PATJ: variants seen among roughly 807,000 people sequenced by gnomAD.
The protein encoded by PATJ is inaD-like protein.
Under a neutral mutation model 224.9 loss-of-function variants are expected in PATJ, and 190 were observed. That is an observed-to-expected ratio of 0.84 (90% CI 0.75 to 0.95). The LOEUF (loss-of-function observed/expected upper bound fraction) is 0.95. Among genes scored for constraint, PATJ ranks in the 40% least tolerant of loss-of-function variants. The pLI is 0.00. For synonymous variants in PATJ, 769 were observed against 820.3 expected, an observed-to-expected ratio of 0.94 and a Z score of 1.07; for missense variants, 2,121 against 2,270.3, an observed-to-expected ratio of 0.93 and a Z score of 1.34.
At chr1:61,884,194 T>G in intron 21 of PATJ, 43 bp from the exon 22 acceptor site, 1 of 1,496,534 alleles carries the variant, frequency 6.7e-7, no homozygotes, top group Non-Finnish European at 9.0e-7. Context: ...TAAAGGAGAA[T>G]GAGTGCCTCT....
intron 14 of PATJ, among the ~76,000 whole-genome samples, chr1:61,821,207 G>A (rs971072706): frequency 5.9e-5 from 9 of 151,974 alleles, no homozygotes; most frequent in African/African-American, 2.2e-4. Flanking sequence ...ACCATGCCCG[G>A]CTAATTTTTT....
At chr1:62,008,411 C>T (rs113583961) in intron 28 of PATJ, among the ~76,000 whole-genome samples, 67 of 152,268 alleles carry the variant, frequency 4.4e-4, no homozygotes, top group Middle Eastern at 3.4e-3. Flanking sequence ...AAATCACTTC[C>T]CATAGTCATG....
At chr1:61,836,071 T>A (rs1014718102) in intron 17 of PATJ, among the ~76,000 whole-genome samples, 2 of 152,092 alleles carry the variant, frequency 1.3e-5, no homozygotes, top group African/African-American at 2.4e-5. Context: ...CTCAAAAAAA[T>A]TCAGTAAAGG....
intron 20 of PATJ, among the ~76,000 whole-genome samples, chr1:61,866,029 T>C (rs190658980): frequency 1.1e-3 from 163 of 152,336 alleles, no homozygotes; most frequent in Non-Finnish European, 2.1e-3. Context: ...ACAGATGTTT[T>C]TGGAATATGT....
In PATJ at chr1:62,161,331, C is replaced by CTT. The variant is rs557464862; in HGVS notation, c.*301_*302dup. 1,651 of 92,920 alleles carry CTT rather than the reference C, an allele frequency of 0.018. 42 individuals carry two copies. The highest frequency in any genetic ancestry group is 0.022 in the Non-Finnish European group (1,097 of 50,320). 5.8% of individuals were successfully genotyped at this position (92,920 alleles called of 1,614,324 possible). On this transcript the variant is annotated 3_prime_UTR_variant, in exon 44 of 44. Transcript: ENST00000642238. The stretch of plus-strand genomic sequence containing the variant: ...GCATTTAATTTCAGTGTTCCGATTT[C>CTT]TTTTTTTTTTTTTTTTTTTTTTTTT...
At chr1:61,836,391 T>C (rs1660182166) in intron 17 of PATJ, among the ~76,000 whole-genome samples, 2 of 152,270 alleles carry the variant, frequency 1.3e-5, no homozygotes, top group South Asian at 4.1e-4. Context: ...ATATTCTTTT[T>C]GTCTTTGTGC....
At chr1:62,122,566 T>C (rs1264645080) in intron 38 of PATJ, among the ~76,000 whole-genome samples, 2 of 152,106 alleles carry the variant, frequency 1.3e-5, no homozygotes, top group Non-Finnish European at 2.9e-5. Flanking sequence ...GGCTCACGCC[T>C]GTAATCCCAA....
chr1:61,822,964 T>G lies in PATJ; in HGVS notation c.1703T>G (p.Leu568Arg), dbSNP rs1013313471. 6.2e-7 allele frequency: 1 copy of G among 1,614,174 alleles called. No individual in the cohort carries two copies. Among genetic ancestry groups the G allele is most frequent in the Non-Finnish European group, 8.5e-7 (1 of 1,180,010 alleles). ...CTACAGCTGCTGCCTATTCACACTC[T>G]GAGGCTTGGTGTGGAAGTGGATTCC... is the stretch of plus-strand genomic sequence containing the variant. ...KYSKLLPIHTLRLGVEVDSFD... is the reference protein window; with the variant it reads ...KYSKLLPIHTRRLGVEVDSFD... Residue 568 changes from leucine (L) to arginine (R), a missense_variant, in exon 15 of 44, where the codon CTG (leucine) becomes CGG (arginine). Leu to Arg is a moderately radical substitution (Grantham distance 102). Transcript: ENST00000642238.
Position 62,035,276 on chromosome 1 carries a change from T to A in PATJ, c.3960-2701T>A, listed in dbSNP as rs541098449. ...AAACAGATGCGCTTGATACGCTATG[T>A]CACTTTATAGTTGTAGTTTTTCTCC... is the stretch of plus-strand genomic sequence containing the variant. On this transcript the variant is annotated intron_variant, in intron 29 of 43. Transcript: ENST00000642238. 3.3e-5 allele frequency among the ~76,000 whole-genome samples: 5 copies of A among 152,344 alleles called. No individual in the cohort carries two copies. In the South Asian group the frequency reaches 1.0e-3, roughly 32 times the overall value.
At chr1:62,034,726 TTTTC>T (rs1650033972) in intron 29 of PATJ, among the ~76,000 whole-genome samples, 5 of 152,170 alleles carry the variant, frequency 3.3e-5, no homozygotes, top group Admixed American at 1.3e-4. Context: ...AGCTTTCTTC[TTTTC>T]AGTGAGAGTA....
At chr1:62,019,754 GT>G (rs1646971823) in intron 29 of PATJ, among the ~76,000 whole-genome samples, 1 of 151,310 alleles carries the variant, frequency 6.6e-6, no homozygotes, top group Non-Finnish European at 1.5e-5. Context: ...ATTAGAGTTA[GT>G]TGATTAAAAA....
intron 29 of PATJ, among the ~76,000 whole-genome samples, chr1:62,035,060 CAATGGGAGAAATTG>C (rs1253338316): frequency 6.6e-6 from 1 of 152,062 alleles, no homozygotes; most frequent in African/African-American, 2.4e-5. Flanking sequence ...TTGTGGTGTT[CAATGGGAGAAATTG>C]AGTGGGAAAA....
chr1:62,060,862 C>T (rs373059709), intron 31 of PATJ, among the ~76,000 whole-genome samples: 3 of 152,040 alleles, frequency 2.0e-5, no homozygotes, highest in African/African-American at 7.2e-5. Context: ...TATTTTATTT[C>T]TGTATTTTTA....
intron 27 of PATJ, among the ~76,000 whole-genome samples, chr1:61,934,144 G>T (rs904448893): frequency 6.7e-6 from 1 of 149,242 alleles, no homozygotes; most frequent in African/African-American, 2.5e-5. Flanking sequence ...TTGAGATGGA[G>T]TTTCGCTCTT....
At chr1:61,861,752 A>G (rs1664654037) in intron 19 of PATJ, 85 bp downstream of exon 19, 1 of 619,188 alleles carries the variant, frequency 1.6e-6, no homozygotes, top group Admixed American at 3.1e-5. Context: ...AAATAAGACA[A>G]AAGCTTGTCC....
chr1:61,771,622 A>C lies in PATJ; in HGVS notation c.716A>C (p.Glu239Ala). ...SSSLNDTTLP[E>A]TVCWGHVEEV... ...AGCCTAAATGATACAACTCTGCCTG[A>C]AACAGTGAGTTGCAAATTTGAAAAA... Residue 239 changes from glutamate (E) to alanine (A), a missense_variant, in exon 6 of 44, where the codon GAA becomes GCA. By Grantham distance (107) the Glu-to-Ala change is moderately radical. Coordinates refer to ENST00000642238, the MANE Select transcript of PATJ (RefSeq NM_001350145.3). 1 of 1,571,506 alleles carries C rather than the reference A, an allele frequency of 6.4e-7. No homozygotes were observed. The highest frequency in any genetic ancestry group is 8.6e-7 in the Non-Finnish European group (1 of 1,164,100).
intron 27 of PATJ, among the ~76,000 whole-genome samples, chr1:61,943,407 T>C (rs1678126729): frequency 6.6e-6 from 1 of 152,194 alleles, no homozygotes; most frequent in Non-Finnish European, 1.5e-5. Flanking sequence ...TACTGCGCTT[T>C]TCCAACAGCT....
chr1:61,900,598 CTT>C (rs112855003), intron 23 of PATJ, among the ~76,000 whole-genome samples: 1 of 82,430 alleles, frequency 1.2e-5, no homozygotes, highest in African/African-American at 4.4e-5. Context: ...CTTTTCTTTT[CTT>C]TTTTTTTGAG....
intron 17 of PATJ, among the ~76,000 whole-genome samples, chr1:61,849,314 G>A (rs566640437): frequency 6.6e-6 from 1 of 152,290 alleles, no homozygotes; most frequent in Non-Finnish European, 1.5e-5. Flanking sequence ...ATATAAATTA[G>A]GTCAGGCATA....
Sources: allele counts gnomAD v4.1 joint callset (sites outside exome capture counted in the v4.1 genomes callset), GRCh38; gene constraint gnomAD v4.1.1; transcripts MANE v1.5; gene names NCBI Gene and HGNC (gene_info 2026-07-23, HGNC 2026-07-21).